The following PSME4 variants were observed in gnomAD, a reference collection of about 807,000 sequenced individuals.
The protein encoded by PSME4 is proteasome activator complex subunit 4.
A neutral mutation model predicts 253.9 loss-of-function variants in PSME4; 89 were observed. The ratio of observed to expected loss-of-function variants is 0.35; its 90% CI spans 0.30 to 0.42. The LOEUF is 0.42. Ranked by LOEUF, PSME4 falls within the 10% of genes least tolerant of loss-of-function variation. The pLI is 1.00. For synonymous variants in PSME4, 851 were observed against 759.2 expected, an observed-to-expected ratio of 1.12 and a Z score of -1.99; for missense variants, 2,014 against 2,195.2, an observed-to-expected ratio of 0.92 and a Z score of 1.65.
chr2:53,930,124 T>C (rs1029321899), intron 10 of PSME4, among the ~76,000 whole-genome samples: 2 of 152,164 alleles, frequency 1.3e-5, no homozygotes, highest in South Asian at 2.1e-4. Context: ...AAAAATGTCA[T>C]TGTATTGTCA....
intron 20 of PSME4, among the ~76,000 whole-genome samples, chr2:53,913,976 TA>T (rs1667947859): frequency 6.6e-6 from 1 of 152,202 alleles, no homozygotes. Context: ...CCTCATTGCA[TA>T]AGCAACACAT....
chr2:53,927,594 A>C, intron 11 of PSME4, 111 bp from the exon 12 acceptor site: 1 of 816,408 alleles, frequency 1.2e-6, no homozygotes, highest in Non-Finnish European at 2.0e-6. Context: ...TCAAAATCCC[A>C]CAACAGTTTT....
intron 22 of PSME4, 90 bp from the exon 23 acceptor site, chr2:53,908,655 A>G: frequency 6.8e-7 from 1 of 1,473,282 alleles, no homozygotes; most frequent in Non-Finnish European, 9.2e-7. Flanking sequence ...TATTAAGAAA[A>G]AAAATCACTG....
rs199900623 is a variant in PSME4, at chr2:53,898,633, G to GCACA, written c.3423-283_3423-280dup. ...AGTAGTAATCAATTAATTGGGAGTG[G>GCACA]CACACACACACACACACACACACAC... On this transcript the variant is annotated intron_variant, in intron 29 of 46. Coordinates refer to ENST00000404125, the MANE Select transcript of PSME4 (RefSeq NM_014614.3). 8.4e-3 allele frequency among the ~76,000 whole-genome samples: 1,201 copies of GCACA among 142,476 alleles called. 9 individuals carry two copies. The highest frequency in any genetic ancestry group is 0.011 in the Admixed American group (155 of 14,188). 93.5% of individuals were successfully genotyped at this position (142,476 alleles called of 152,430 possible).
intron 20 of PSME4, among the ~76,000 whole-genome samples, chr2:53,911,800 TA>T (rs1157645280): frequency 1.3e-5 from 2 of 152,112 alleles, no homozygotes; most frequent in African/African-American, 2.4e-5. Flanking sequence ...TTATACAAAT[TA>T]AAAAAAGCAT....
rs555935746 is a variant in PSME4, at chr2:53,970,294, C to T, written c.242+249G>A. On this transcript the variant is annotated intron_variant, in intron 1 of 46. Coordinates refer to ENST00000404125, the MANE Select transcript of PSME4 (RefSeq NM_014614.3). ...CCAGGTGGGAAGACAACAACCCGAA[C>T]ACTTCGGGAGAAGCAGATGCGGAGG... Among the ~76,000 whole-genome samples the T allele has an allele frequency of 2.8e-4, 42 of 152,316 alleles. No homozygotes were observed. In the East Asian group the frequency reaches 7.7e-3, roughly 28 times the overall value.
At chr2:53,895,863 A>C in intron 32 of PSME4, 127 bp from the exon 33 acceptor site, 1 of 798,594 alleles carries the variant, frequency 1.3e-6, no homozygotes, top group Non-Finnish European at 1.9e-6. Context: ...TAACATTAAG[A>C]TAACATATAT....
At chr2:53,945,039 T>C (rs899378496) in intron 3 of PSME4, among the ~76,000 whole-genome samples, 1 of 152,188 alleles carries the variant, frequency 6.6e-6, no homozygotes, top group Non-Finnish European at 1.5e-5. Flanking sequence ...CTACTCATGA[T>C]GCAAATATGA....
chr2:53,940,103 A>G, intron 3 of PSME4, 103 bp from the exon 4 acceptor site: 1 of 880,330 alleles, frequency 1.1e-6, no homozygotes, highest in Non-Finnish European at 1.7e-6. Context: ...TTCAGGTATT[A>G]TTTGTTTACA....
At chr2:53,915,606 C>T (rs868863498) in intron 20 of PSME4, among the ~76,000 whole-genome samples, 3 of 151,760 alleles carry the variant, frequency 2.0e-5, no homozygotes, top group Non-Finnish European at 2.9e-5. Context: ...GTAAACTAAG[C>T]TTCTAGGGTC....
At position 53,898,980 on chromosome 2, in the gene PSME4, T is replaced by C. The variant is rs541150880; in HGVS notation, c.3423-626A>G. 1.2e-4 allele frequency among the ~76,000 whole-genome samples: 18 copies of C among 152,262 alleles called. 2 individuals are homozygous for C. The South Asian group carries it at 3.7e-3, about 32-fold the overall frequency. On this transcript the variant is annotated intron_variant, in intron 29 of 46. Coordinates refer to ENST00000404125, the MANE Select transcript of PSME4 (RefSeq NM_014614.3). The stretch of plus-strand genomic sequence containing the variant: ...ATTAATGACTGATGTGTACCAGTTA[T>C]GTAGTTTCTGAAATATTACTACCTT...
intron 26 of PSME4, 81 bp from the exon 27 acceptor site, chr2:53,904,237 A>G: frequency 7.5e-7 from 1 of 1,333,594 alleles, no homozygotes; most frequent in South Asian, 1.5e-5. Context: ...CAAAAACAGT[A>G]ATGATAATTT....
intron 35 of PSME4, among the ~76,000 whole-genome samples, 173 bp downstream of exon 35, chr2:53,893,501 T>C (rs191768434): frequency 1.3e-5 from 2 of 152,334 alleles, no homozygotes; most frequent in East Asian, 3.9e-4. Flanking sequence ...CTGGTTGTAA[T>C]GTCTTGTTTA....
intron 44 of PSME4, among the ~76,000 whole-genome samples, chr2:53,867,460 C>G (rs1200346124): frequency 6.9e-6 from 1 of 145,144 alleles, no homozygotes; most frequent in Non-Finnish European, 1.5e-5. Flanking sequence ...GATCGCACCA[C>G]TGTACTCCAG....
At chr2:53,942,599 C>A (rs1669503775) in intron 3 of PSME4, among the ~76,000 whole-genome samples, 1 of 152,086 alleles carries the variant, frequency 6.6e-6, no homozygotes, top group African/African-American at 2.4e-5. Flanking sequence ...AGCAATAATA[C>A]CTACCTCTCA....
intron 5 of PSME4, 151 bp downstream of exon 5, chr2:53,937,240 T>C (rs1293932935): frequency 1.4e-6 from 1 of 699,888 alleles, no homozygotes; most frequent in Non-Finnish European, 2.2e-6. Flanking sequence ...ACAACCGTTT[T>C]AGCCTTAACA....
chr2:53,954,263 G>C (rs1229465108), intron 1 of PSME4, among the ~76,000 whole-genome samples: 1 of 151,906 alleles, frequency 6.6e-6, no homozygotes, highest in South Asian at 2.1e-4. Context: ...GGGAGGCAGA[G>C]GTTGCAGTGA....
chr2:53,949,052 T>C, intron 2 of PSME4, 91 bp downstream of exon 2: 1 of 1,408,266 alleles, frequency 7.1e-7, no homozygotes, highest in Non-Finnish European at 9.3e-7. Context: ...ATTTGAGACT[T>C]GGTCTTCTTA....
At chr2:53,956,429 CTGAGGCAGGAGAATCGCT>C (rs1670238159) in intron 1 of PSME4, among the ~76,000 whole-genome samples, 1 of 151,664 alleles carries the variant, frequency 6.6e-6, no homozygotes, top group Non-Finnish European at 1.5e-5. Flanking sequence ...ACTCGGGGGG[CTGAGGCAGGAGAATCGCT>C]TGAACCCGGG....
Sources: gnomAD v4.1 joint callset for allele counts (sites outside exome capture counted in the v4.1 genomes callset) on GRCh38, gnomAD v4.1.1 for gene constraint, MANE v1.5 for transcripts, NCBI Gene and HGNC (gene_info 2026-07-23, HGNC 2026-07-21) for gene names.